Variants in SLC14A2 observed in about 807,000 individuals in gnomAD.
The protein encoded by SLC14A2 is urea transporter 2.
Under a neutral mutation model 104.6 loss-of-function variants are expected in SLC14A2, and 91 were observed. The ratio of observed to expected loss-of-function variants is 0.87; its 90% CI spans 0.73 to 1.04. The LOEUF (loss-of-function observed/expected upper bound fraction) is 1.04, where lower values mean the gene tolerates loss of function less well. SLC14A2 is among the 50% of genes least tolerant of loss of function. SLC14A2 has a pLI of 0.00. For missense variants in SLC14A2, 1,189 were observed against 1,156.0 expected, an observed-to-expected ratio of 1.03 and a Z score of -0.41; for synonymous variants, 476 against 466.4, an observed-to-expected ratio of 1.02 and a Z score of -0.27.
chr18:45,651,430 T>C (rs2045734859), intron 10 of SLC14A2, among the ~76,000 whole-genome samples: 1 of 152,150 alleles, frequency 6.6e-6, no homozygotes, highest in African/African-American at 2.4e-5. Context: ...AGGTAATGCA[T>C]GTGGGAGAAG....
intron 11 of SLC14A2, among the ~76,000 whole-genome samples, chr18:45,665,575 C>T (rs1410767315): frequency 6.6e-6 from 1 of 151,930 alleles, no homozygotes; most frequent in Non-Finnish European, 1.5e-5. Flanking sequence ...CTGAGGTCAT[C>T]CAGGTGAGGA....
intron 2 of SLC14A2, among the ~76,000 whole-genome samples, chr18:45,591,195 G>A (rs766089485): frequency 2.0e-5 from 3 of 152,074 alleles, no homozygotes; most frequent in Non-Finnish European, 4.4e-5. Flanking sequence ...TATCCCTGAG[G>A]GTGGTAATAG....
At chr18:45,337,704 G>C (rs937844402) in intron 1 of SLC14A2, among the ~76,000 whole-genome samples, 10 of 152,304 alleles carry the variant, frequency 6.6e-5, no homozygotes, top group African/African-American at 2.2e-4. Flanking sequence ...ACTGACAACA[G>C]ATTCCTTTTG....
At chr18:45,446,679 C>T (rs148241330) in intron 1 of SLC14A2, among the ~76,000 whole-genome samples, 1 of 152,196 alleles carries the variant, frequency 6.6e-6, no homozygotes, top group African/African-American at 2.4e-5. Flanking sequence ...CTTTAAAGGA[C>T]ACAACTCATC....
chr18:45,176,450 T>C, the SLC14A2 span, among the ~76,000 whole-genome samples: 1 of 152,106 alleles, frequency 6.6e-6, no homozygotes, highest in Non-Finnish European at 1.5e-5. Flanking sequence ...ATAGAAAATT[T>C]CCACACAATT....
intron 1 of SLC14A2, among the ~76,000 whole-genome samples, chr18:45,452,050 G>A (rs2086866388): frequency 1.3e-5 from 2 of 151,712 alleles, no homozygotes; most frequent in Non-Finnish European, 1.5e-5. Context: ...AATATGGGGG[G>A]TACTCAAGAG....
chr18:45,496,437 T>G (rs2043099006), intron 2 of SLC14A2, among the ~76,000 whole-genome samples: 1 of 152,096 alleles, frequency 6.6e-6, no homozygotes, highest in South Asian at 2.1e-4. Context: ...ACCATCCAAT[T>G]GGCTGCCAGG....
Position 45,478,778 on chromosome 18 carries a change from GA to G in SLC14A2, c.-124-4444del, listed in dbSNP as rs879507774. On this transcript the variant is annotated intron_variant, in intron 1 of 20. Transcript: ENST00000586448. ...TTAATTTAGCCTTTACCTTTTTCCAGAAAAAAAAAAAGAGATTGTCAGTTGC... is the reference window on the plus strand; with the variant it reads ...TTAATTTAGCCTTTACCTTTTTCCAGAAAAAAAAAAGAGATTGTCAGTTGC... 1.0e-3 allele frequency among the ~76,000 whole-genome samples: 149 copies of G among 142,250 alleles called. 1 individual carries two copies. The highest frequency in any genetic ancestry group is 1.6e-3 in the Non-Finnish European group (101 of 64,716). 93.3% of individuals were successfully genotyped at this position (142,250 alleles called of 152,430 possible). A position where few individuals can be genotyped will look rare whatever the true frequency, so the allele number is the denominator to read the frequency against.
At chr18:45,208,007 C>T (rs926532737), upstream of SLC14A2, among the ~76,000 whole-genome samples, 1 of 152,164 alleles carries the variant, frequency 6.6e-6, no homozygotes, top group African/African-American at 2.4e-5. Flanking sequence ...ACTCAGGAGT[C>T]AGCCATAAAA....
intron 1 of SLC14A2, among the ~76,000 whole-genome samples, chr18:45,403,274 CATT>C (rs1032620533): frequency 1.3e-5 from 2 of 152,146 alleles, no homozygotes; most frequent in Non-Finnish European, 2.9e-5. Context: ...CTTATGACCT[CATT>C]AATTACCTCC....
chr18:45,228,773 TTAAGAAAGC>T (rs1280982720), intron 1 of SLC14A2, among the ~76,000 whole-genome samples: 1 of 152,190 alleles, frequency 6.6e-6, no homozygotes, highest in African/African-American at 2.4e-5. Context: ...ACCATTTTCC[TTAAGAAAGC>T]TAATCGTGTT....
chr18:45,381,353 A>T (rs1337979380), intron 1 of SLC14A2, among the ~76,000 whole-genome samples: 1 of 152,238 alleles, frequency 6.6e-6, no homozygotes, highest in African/African-American at 2.4e-5. Flanking sequence ...AAACAAACAT[A>T]TCTTTGACCA....
At chr18:45,250,304 G>T (rs1336022911) in intron 1 of SLC14A2, among the ~76,000 whole-genome samples, 2 of 152,068 alleles carry the variant, frequency 1.3e-5, no homozygotes, top group African/African-American at 4.8e-5. Context: ...AAACACACAC[G>T]CATGCACACA....
At chr18:45,210,667 G>A (rs922841048), upstream of SLC14A2, among the ~76,000 whole-genome samples, 3 of 152,176 alleles carry the variant, frequency 2.0e-5, no homozygotes, top group Non-Finnish European at 4.4e-5. Flanking sequence ...ACAGCATCAT[G>A]GACCACAAGA....
At chr18:45,488,672 C>G (rs1315388017) in intron 2 of SLC14A2, among the ~76,000 whole-genome samples, 2 of 152,180 alleles carry the variant, frequency 1.3e-5, no homozygotes, top group African/African-American at 2.4e-5. Context: ...CTCTGGTCAC[C>G]TGAGTAGCAA....
chr18:45,198,355 T>G, the SLC14A2 span, among the ~76,000 whole-genome samples: 1 of 152,154 alleles, frequency 6.6e-6, no homozygotes, highest in Non-Finnish European at 1.5e-5. Flanking sequence ...ACTCAACCAC[T>G]ATCATGAGTT....
intron 1 of SLC14A2, among the ~76,000 whole-genome samples, chr18:45,618,067 T>G (rs997625686): frequency 1.3e-5 from 2 of 152,160 alleles, no homozygotes; most frequent in African/African-American, 4.8e-5. Context: ...AGGGACTTGA[T>G]GTCAGCTCCA....
At chr18:45,404,672 C>T (rs1469181685) in intron 1 of SLC14A2, among the ~76,000 whole-genome samples, 1 of 152,188 alleles carries the variant, frequency 6.6e-6, no homozygotes, top group Non-Finnish European at 1.5e-5. Flanking sequence ...CCAGGGCTTC[C>T]AGGGTGGGAA....
At chr18:45,427,126 C>T (rs1402410698) in intron 1 of SLC14A2, among the ~76,000 whole-genome samples, 2 of 152,158 alleles carry the variant, frequency 1.3e-5, no homozygotes, top group African/African-American at 4.8e-5. Context: ...GGACACCTCA[C>T]CCCCTTTCAC....
Sources: gnomAD v4.1 joint callset for allele counts (sites outside exome capture counted in the v4.1 genomes callset) on GRCh38, gnomAD v4.1.1 for gene constraint, MANE v1.5 for transcripts, NCBI Gene and HGNC (gene_info 2026-07-23, HGNC 2026-07-21) for gene names.